Variants in DNAH9 observed in about 807,000 individuals in gnomAD.
The protein encoded by DNAH9 is dynein axonemal heavy chain 9, also known as DNAH9 variant protein.
Under a neutral mutation model 471.6 loss-of-function variants are expected in DNAH9, and 345 were observed. That is an observed-to-expected ratio of 0.73 (90% CI 0.67 to 0.80). DNAH9 has a LOEUF of 0.80. Ranked by LOEUF, DNAH9 falls within the 30% of genes least tolerant of loss-of-function variation. The probability of loss-of-function intolerance (pLI) is 0.00; values close to 1 mark genes in which losing one functional copy is unlikely to be tolerated. For missense variants in DNAH9, 5,407 were observed against 5,609.2 expected (o/e 0.96, Z 1.15); for synonymous variants, 2,093 against 2,123.6 (o/e 0.99, Z 0.40).
At chr17:11,622,286 A>G (rs1450382037) in intron 6 of DNAH9, among the ~76,000 whole-genome samples, 1 of 152,212 alleles carries the variant, frequency 6.6e-6, no homozygotes, top group Non-Finnish European at 1.5e-5. Context: ...GCTAGATCTT[A>G]TGAAAGGCGC....
intron 48 of DNAH9, among the ~76,000 whole-genome samples, chr17:11,833,119 A>T (rs1308882723): frequency 6.6e-6 from 1 of 152,232 alleles, no homozygotes; most frequent in East Asian, 1.9e-4. Flanking sequence ...CTGAAAGTAG[A>T]TAGAAAATCA....
At chr17:11,868,607 C>T (rs1200219032) in intron 50 of DNAH9, among the ~76,000 whole-genome samples, 1 of 152,074 alleles carries the variant, frequency 6.6e-6, no homozygotes, top group East Asian at 1.9e-4. Flanking sequence ...GACAGCCCAG[C>T]CCCAGACTAG....
chr17:11,764,708 T>C (rs1301235213), intron 36 of DNAH9, among the ~76,000 whole-genome samples: 1 of 149,366 alleles, frequency 6.7e-6, no homozygotes, highest in Non-Finnish European at 1.5e-5. Flanking sequence ...TTCCTTTTTC[T>C]TAAAAAAAAA....
At chr17:11,752,780 T>C (rs1374858933) in intron 32 of DNAH9, 53 bp from the exon 33 acceptor site, 5 of 1,465,696 alleles carry the variant, frequency 3.4e-6, no homozygotes, top group Non-Finnish European at 4.6e-6. Context: ...TGTGTTTAAG[T>C]GAAAGAGGAT....
At chr17:11,616,639 A>G (rs914756709) in intron 4 of DNAH9, among the ~76,000 whole-genome samples, 8 of 152,190 alleles carry the variant, frequency 5.3e-5, no homozygotes, top group African/African-American at 1.9e-4. Context: ...AAACCAGCAG[A>G]ACCTTGCCAT....
intron 27 of DNAH9, among the ~76,000 whole-genome samples, chr17:11,724,926 A>G (rs909664457): frequency 1.3e-5 from 2 of 152,164 alleles, no homozygotes; most frequent in Admixed American, 6.5e-5. Flanking sequence ...TCCTTCAACT[A>G]GTTGGTTCCA....
intron 7 of DNAH9, 57 bp downstream of exon 7, chr17:11,629,641 C>A (rs952145939): frequency 1.5e-5 from 22 of 1,509,088 alleles, no homozygotes; most frequent in Non-Finnish European, 1.9e-5. Context: ...TGCCTCTCAT[C>A]TGTAGGGTCT....
intron 15 of DNAH9, among the ~76,000 whole-genome samples, chr17:11,668,674 A>AC (rs201908634): frequency 0.013 from 1,925 of 150,452 alleles, 32 homozygotes; most frequent in African/African-American, 0.032. Context: ...CAAAAAAAAA[A>AC]AAAAAAAAAA....
intron 67 of DNAH9, among the ~76,000 whole-genome samples, chr17:11,960,889 T>C (rs1976095842): frequency 6.6e-6 from 1 of 152,214 alleles, no homozygotes; most frequent in African/African-American, 2.4e-5. Context: ...TTTAGCAGTC[T>C]GCCCTTGATG....
At chr17:11,606,564 T>C (rs1456125898) in intron 1 of DNAH9, among the ~76,000 whole-genome samples, 1 of 99,084 alleles carries the variant, frequency 1.0e-5, no homozygotes, top group Non-Finnish European at 2.3e-5. Context: ...TTCCCCTGCC[T>C]CAGCCTCCTG....
intron 36 of DNAH9, 44 bp downstream of exon 36, chr17:11,763,658 G>T: frequency 6.3e-7 from 1 of 1,578,246 alleles, no homozygotes. Flanking sequence ...GAAGTCTGTA[G>T]CAGCAAAAAC....
In DNAH9 at chr17:11,617,498, T is replaced by C; in HGVS notation, c.992T>C (p.Val331Ala). The C allele has an allele frequency of 6.2e-7, 1 of 1,614,056 alleles. No individual in the cohort carries two copies. Among genetic ancestry groups the C allele is most frequent in the South Asian group, 1.1e-5 (1 of 91,076 alleles). ...EALENAEFPE[V>A]KPQLRPLLHV... Reference sequence around the variant, plus strand: ...CTGGAGAATGCAGAATTTCCGGAGGTGAAGCCCCAGCTGCGGCCCCTGCTC... The same window carrying C: ...CTGGAGAATGCAGAATTTCCGGAGGCGAAGCCCCAGCTGCGGCCCCTGCTC... Residue 331 changes from valine to alanine, a missense_variant, in exon 5 of 69, where the codon GTG (valine) becomes GCG (alanine). Val to Ala is a moderately conservative substitution (Grantham distance 64, BLOSUM62 0). Around this residue, in one of 3 missense-constraint regions of DNAH9, gnomAD observed 767 missense variants for 692.5 expected, o/e 1.11. Transcript: ENST00000262442.
At chr17:11,793,782 G>A (rs1351606729) in intron 42 of DNAH9, 118 bp downstream of exon 42, 1 of 865,846 alleles carries the variant, frequency 1.2e-6, no homozygotes, top group South Asian at 1.9e-5. Flanking sequence ...TTTAGGTGAG[G>A]AAGGAAATTC....
chr17:11,761,518 C>T (rs1967665310), intron 35 of DNAH9, among the ~76,000 whole-genome samples: 1 of 152,192 alleles, frequency 6.6e-6, no homozygotes, highest in Non-Finnish European at 1.5e-5. Context: ...GGTCCCGCTC[C>T]CACACAAACC....
At chr17:11,800,036 A>G (rs1969393631) in intron 43 of DNAH9, among the ~76,000 whole-genome samples, 1 of 152,190 alleles carries the variant, frequency 6.6e-6, no homozygotes, top group African/African-American at 2.4e-5. Context: ...CTCTACCCTA[A>G]GCATGTTGCT....
At chr17:11,612,344 C>G (rs951025151) in intron 4 of DNAH9, 4 of 185,420 alleles carry the variant, frequency 2.2e-5, no homozygotes, top group Non-Finnish European at 4.5e-5. Context: ...CTCCCTGGCA[C>G]GCTGGGAACT....
intron 67 of DNAH9, among the ~76,000 whole-genome samples, chr17:11,950,269 GTTCA>G (rs770878920): frequency 1.4e-4 from 21 of 152,124 alleles, no homozygotes; most frequent in Non-Finnish European, 2.6e-4. Flanking sequence ...TTACATTGGG[GTTCA>G]TTCTCAGTGT....
intron 35 of DNAH9, among the ~76,000 whole-genome samples, chr17:11,760,586 C>A (rs1477667964): frequency 6.6e-6 from 1 of 151,920 alleles, no homozygotes; most frequent in Non-Finnish European, 1.5e-5. Flanking sequence ...GTGGCGCGAT[C>A]TTGGCTCACT....
chr17:11,932,310 G>A lies in DNAH9; in HGVS notation c.12297+105G>A. ...GGTCTAGGATGGGGCCTGAGAATGT[G>A]CATTTCTAACAAGCTCCCTCGTGAT... On this transcript the variant is annotated intron_variant, in intron 64 of 68. Coordinates refer to ENST00000262442, the MANE Select transcript of DNAH9 (RefSeq NM_001372.4). The surrounding 1 kb of genome is among the most constrained non-coding windows in gnomAD (Gnocchi z 4.3). The A allele has an allele frequency of 8.4e-7, 1 of 1,197,356 alleles. No homozygotes were observed. The highest frequency in any genetic ancestry group is 1.5e-5 in the African/African-American group (1 of 65,096). 74.2% of individuals were successfully genotyped at this position (1,197,356 alleles called of 1,614,324 possible).
Sources: gnomAD v4.1 joint callset for allele counts (sites outside exome capture counted in the v4.1 genomes callset) on GRCh38, gnomAD v4.1.1 for gene constraint, gnomAD v4.1.1 regional missense constraint, Gnocchi (gnomAD v3.1) non-coding constraint, MANE v1.5 for transcripts, NCBI Gene and HGNC (gene_info 2026-07-23, HGNC 2026-07-21) for gene names.